Variants in RFX2 observed in about 807,000 individuals in gnomAD.
RFX2 encodes regulatory factor X2, also known as DNA-binding protein RFX2.
In RFX2, 20 loss-of-function variants were observed where a neutral mutation model predicts 87.8. That is an observed-to-expected ratio of 0.23 (90% confidence interval 0.16 to 0.33). The LOEUF is 0.33. RFX2 is among the 10% of genes least tolerant of loss of function. The pLI is 1.00. For synonymous variants in RFX2, 397 were observed against 431.3 expected, an observed-to-expected ratio of 0.92 and a Z score of 0.98; for missense variants, 767 against 1,012.3, an observed-to-expected ratio of 0.76 and a Z score of 3.29.
intron 16 of RFX2, among the ~76,000 whole-genome samples, chr19:5,996,194 C>T (rs181759905): frequency 1.2e-3 from 75 of 63,376 alleles, no homozygotes; most frequent in African/African-American, 4.9e-3. Flanking sequence ...GGCCATCCCA[C>T]GCAGCCCAGC....
chr19:6,062,174 A>T (rs992696624), intron 1 of RFX2, among the ~76,000 whole-genome samples: 2 of 152,146 alleles, frequency 1.3e-5, no homozygotes, highest in African/African-American at 4.8e-5. Flanking sequence ...AGAATAAACA[A>T]GTAACAAAAC....
chr19:6,047,529 G>A lies in RFX2; in HGVS notation c.-8-25C>T, dbSNP rs200706605. ...TCTAAAGAAAGGCGGAGAGAGATTG[G>A]GTGGGCAAGGGCTGCAAGCACTGAA... On this transcript the variant is annotated intron_variant, in intron 1 of 17. Transcript: ENST00000303657. The surrounding 1 kb of genome is among the most constrained non-coding windows in gnomAD (Gnocchi z 4.2). The A allele has an allele frequency of 6.4e-7, 1 of 1,560,348 alleles. No individual in the cohort carries two copies. The highest frequency in any genetic ancestry group is 1.4e-5 in the African/African-American group (1 of 73,796).
intron 17 of RFX2, 25 bp downstream of exon 17, chr19:5,995,576 G>T (rs373952212): frequency 4.3e-5 from 66 of 1,551,116 alleles, no homozygotes; most frequent in Non-Finnish European, 5.6e-5. Context: ...GAGGGTCGTG[G>T]TGGGAAAGCC....
intron 1 of RFX2, among the ~76,000 whole-genome samples, chr19:6,070,168 TGAATGGGATG>T (rs1568533708): frequency 8.3e-3 from 1 of 120 alleles, no homozygotes; most frequent in Non-Finnish European, 0.015. Context: ...GGATGGGATG[TGAATGGGATG>T]GGATGGGATG....
rs2087302561 is a variant in RFX2 at position 6,054,287 on chromosome 19, CAT to C, written c.-8-6785_-8-6784del. ...TTCCCTACACAGAAAACTTCAGGCA[CAT>C]ATAGTTTTACTGGTGAATGCTATCA... On this transcript the variant is annotated intron_variant, in intron 1 of 17. Coordinates refer to ENST00000303657, the MANE Select transcript of RFX2 (RefSeq NM_000635.4). 5.3e-5 allele frequency among the ~76,000 whole-genome samples: 8 copies of C among 152,144 alleles called. No individual in the cohort carries two copies. In the East Asian group the frequency reaches 1.5e-3, roughly 29 times the overall value.
intron 16 of RFX2, among the ~76,000 whole-genome samples, chr19:5,996,700 G>A (rs982999502): frequency 1.3e-5 from 2 of 152,272 alleles, no homozygotes; most frequent in South Asian, 2.1e-4. Flanking sequence ...CCCTATGTGT[G>A]TGTTACCACA....
At position 5,998,621 on chromosome 19, in the gene RFX2, G is replaced by A. The variant is rs1317877956; in HGVS notation, c.1860-1408C>T. On this transcript the variant is annotated intron_variant, in intron 15 of 17. Transcript: ENST00000303657. This position sits in a 1 kb window ranked among gnomAD's most constrained non-coding sequence, Gnocchi z 4.2. ...TGTTCCTCCGGGCCCACCCAGGTTG[G>A]CTTCCAAGCCCCCTTTCCCCAAAGG... is the stretch of plus-strand genomic sequence containing the variant. 6.6e-6 allele frequency among the ~76,000 whole-genome samples: 1 copy of A among 152,188 alleles called. No homozygotes were observed. Among genetic ancestry groups the A allele is most frequent in the East Asian group, 1.9e-4 (1 of 5,188 alleles).
intron 12 of RFX2, among the ~76,000 whole-genome samples, chr19:6,005,173 A>G (rs1047992107): frequency 2.6e-5 from 4 of 152,214 alleles, no homozygotes; most frequent in Non-Finnish European, 5.9e-5. Flanking sequence ...CCACCATAAC[A>G]TAGAAACTCA....
chr19:6,069,976 T>G (rs2144829016), intron 1 of RFX2, among the ~76,000 whole-genome samples: 3 of 129,600 alleles, frequency 2.3e-5, no homozygotes, highest in Admixed American at 8.1e-5. Context: ...TGCAAGTGGA[T>G]GTTCTTTCAT....
chr19:6,042,733 C>A lies in RFX2; in HGVS notation c.181-610G>T, dbSNP rs183825254. ...CTGGAGAGATGGGGCAATGGGGGGA[C>A]CCCAGCACACCCCCGCTGCCCTGCC... On this transcript the variant is annotated intron_variant, in intron 3 of 17. Coordinates refer to ENST00000303657, the MANE Select transcript of RFX2 (RefSeq NM_000635.4). 8.5e-4 allele frequency among the ~76,000 whole-genome samples: 129 copies of A among 152,270 alleles called. 1 individual carries two copies. The highest frequency in any genetic ancestry group is 3.4e-3 in the Middle Eastern group (1 of 294).
chr19:6,097,127 C>T (rs2088041499), intron 1 of RFX2, among the ~76,000 whole-genome samples: 1 of 152,148 alleles, frequency 6.6e-6, no homozygotes, highest in Admixed American at 6.5e-5. Flanking sequence ...GGGGGTGAAG[C>T]AGAGTGGGGA....
intron 5 of RFX2, among the ~76,000 whole-genome samples, chr19:6,032,834 G>A (rs147254722): frequency 6.4e-4 from 97 of 152,270 alleles, no homozygotes; most frequent in African/African-American, 2.2e-3. Flanking sequence ...TGTCACCCAG[G>A]CTGGAGTGCA....
Position 6,003,777 on chromosome 19 carries a change from T to TG in RFX2, c.1500+423_1500+424insC, listed in dbSNP as rs1318446976. 1.8e-4 allele frequency among the ~76,000 whole-genome samples: 6 copies of TG among 32,866 alleles called. 1 individual carries two copies. The highest frequency in any genetic ancestry group is 2.5e-4 in the Non-Finnish European group (5 of 19,988). The allele number at this position is 32,866 out of a possible 152,430, so 21.6% of individuals were successfully genotyped here. A position where few individuals can be genotyped will look rare whatever the true frequency, so the allele number is the denominator to read the frequency against. The stretch of plus-strand genomic sequence containing the variant: ...CTGGGCGACAGAGTGAGACTCTGTC[T>TG]CAAAAAAAAAAAAAAAAAAAAAAAA... On this transcript the variant is annotated intron_variant, in intron 13 of 17. Transcript: ENST00000303657.
intron 1 of RFX2, chr19:6,078,177 G>A (rs530104546): frequency 6.6e-6 from 1 of 151,880 alleles, no homozygotes; most frequent in Non-Finnish European, 1.5e-5. Context: ...CCCGGGGCTG[G>A]GAGGAGGAAG....
chr19:6,038,328 G>GA (rs55857624), intron 5 of RFX2, among the ~76,000 whole-genome samples: 41,541 of 60,896 alleles, frequency 0.68, 14,912 homozygotes, highest in Non-Finnish European at 0.81. Context: ...CTCCGTCTCA[G>GA]AAAAAAAAAA....
At chr19:6,055,199 C>G (rs1245703480) in intron 1 of RFX2, among the ~76,000 whole-genome samples, 2 of 152,172 alleles carry the variant, frequency 1.3e-5, no homozygotes, top group African/African-American at 4.8e-5. Context: ...AGTCTGACAA[C>G]ATCCAATGTT....
intron 1 of RFX2, among the ~76,000 whole-genome samples, chr19:6,100,231 G>A (rs1265066276): frequency 6.6e-6 from 1 of 152,210 alleles, no homozygotes; most frequent in African/African-American, 2.4e-5. Context: ...GGGAGGCAAC[G>A]AAAAGGGAGA....
At chr19:6,051,013 A>C (rs541639391) in intron 1 of RFX2, among the ~76,000 whole-genome samples, 36 of 152,172 alleles carry the variant, frequency 2.4e-4, no homozygotes, top group Non-Finnish European at 4.1e-4. Context: ...CTGGGGGGGA[A>C]AACCCTATCA....
In RFX2 at chr19:6,060,609, T is replaced by C. The variant is rs1475284427; in HGVS notation, c.-8-13105A>G. ...AGGAGGGAGCCTCTGTCGTCTTCTC[T>C]CTGCATTCTCATGTCTGCCCACTGT... On this transcript the variant is annotated intron_variant, in intron 1 of 17. Coordinates refer to ENST00000303657, the MANE Select transcript of RFX2 (RefSeq NM_000635.4). 3.3e-5 allele frequency among the ~76,000 whole-genome samples: 5 copies of C among 152,194 alleles called. No homozygotes were observed. The East Asian group carries it at 7.7e-4, about 23-fold the overall frequency.
Sources: gnomAD v4.1 joint callset for allele counts (sites outside exome capture counted in the v4.1 genomes callset) on GRCh38, gnomAD v4.1.1 for gene constraint, Gnocchi (gnomAD v3.1) non-coding constraint, MANE v1.5 for transcripts, NCBI Gene and HGNC (gene_info 2026-07-23, HGNC 2026-07-21) for gene names.